PSME4: variants seen among roughly 807,000 people sequenced by gnomAD.
PSME4 encodes proteasome activator complex subunit 4.
PSME4 carries 89 observed loss-of-function variants against 253.9 expected under a neutral mutation model. That is an observed-to-expected ratio of 0.35 (90% CI 0.30 to 0.42). PSME4 has a LOEUF of 0.42. Ranked by LOEUF, PSME4 falls within the 10% of genes least tolerant of loss-of-function variation. PSME4 has a pLI of 1.00. For synonymous variants in PSME4, 851 were observed against 759.2 expected, an observed-to-expected ratio of 1.12 and a Z score of -1.99; for missense variants, 2,014 against 2,195.2, an observed-to-expected ratio of 0.92 and a Z score of 1.65.
In PSME4 at chr2:53,906,872, G is replaced by C; in HGVS notation, c.2785-4C>G. The C allele has an allele frequency of 2.5e-6, 4 of 1,612,594 alleles. No individual in the cohort carries two copies. Among genetic ancestry groups the C allele is most frequent in the Non-Finnish European group, 2.5e-6 (3 of 1,179,272 alleles). On this transcript the variant is annotated splice_region_variant and splice_polypyrimidine_tract_variant and intron_variant, in intron 24 of 46. Transcript: ENST00000404125. Reference sequence around the variant, plus strand: ...TATGTTGTTTTTTCCCATGGAGCTGGAAAACAAAGTAGCAACAAATACTTC... The same window carrying C: ...TATGTTGTTTTTTCCCATGGAGCTGCAAAACAAAGTAGCAACAAATACTTC...
At chr2:53,871,550 G>A (rs1416559427) in intron 43 of PSME4, among the ~76,000 whole-genome samples, 1 of 151,848 alleles carries the variant, frequency 6.6e-6, no homozygotes, top group Non-Finnish European at 1.5e-5. Context: ...CACCACGCCC[G>A]GCTATCTGCA....
At chr2:53,965,722 A>G (rs568833784) in intron 1 of PSME4, among the ~76,000 whole-genome samples, 2 of 150,888 alleles carry the variant, frequency 1.3e-5, no homozygotes, top group South Asian at 2.1e-4. Context: ...CTGGAGTGCA[A>G]TGGTGCAATC....
intron 36 of PSME4, among the ~76,000 whole-genome samples, chr2:53,892,314 G>C (rs931328078): frequency 6.6e-6 from 1 of 152,120 alleles, no homozygotes; most frequent in African/African-American, 2.4e-5. Context: ...CTTAAAGGCA[G>C]GTGTGTGAAA....
At position 53,874,480 on chromosome 2, in the gene PSME4, A is replaced by G. The variant is rs1679031838; in HGVS notation, c.4959T>C (p.Ser1653=). Residue 1653 remains serine, a synonymous_variant, in exon 43 of 47, where the codon AGT becomes AGC. Transcript: ENST00000404125. ...GTACTGTGTATCGTGCATGCCAAGA[A>G]CTGCTTCTTGCTGTCTGTGAATGAC... ...LQVLKQTARS[S]SWHARYTVLT... The G allele has an allele frequency of 6.2e-7, 1 of 1,613,540 alleles. No individual in the cohort carries two copies. The highest frequency in any genetic ancestry group is 1.7e-5 in the Admixed American group (1 of 59,830).
At chr2:53,882,622 T>G (rs1679445063) in intron 41 of PSME4, among the ~76,000 whole-genome samples, 1 of 152,176 alleles carries the variant, frequency 6.6e-6, no homozygotes. Flanking sequence ...ATGAATTTGA[T>G]CCAGGCAGCC....
At chr2:53,923,276 T>A in intron 15 of PSME4, 45 bp downstream of exon 15, 1 of 1,553,358 alleles carries the variant, frequency 6.4e-7, no homozygotes, top group Non-Finnish European at 8.7e-7. Flanking sequence ...ATAAACTAGT[T>A]GATTGTTGAG....
In PSME4 at chr2:53,890,216, A is replaced by C; in HGVS notation, c.4192-8T>G. The C allele has an allele frequency of 6.3e-7, 1 of 1,587,850 alleles. No individual in the cohort carries two copies. The highest frequency in any genetic ancestry group is 8.6e-7 in the Non-Finnish European group (1 of 1,160,180). On this transcript the variant is annotated splice_polypyrimidine_tract_variant and splice_region_variant and intron_variant, in intron 36 of 46. Coordinates refer to ENST00000404125, the MANE Select transcript of PSME4 (RefSeq NM_014614.3). ...CTCCCAAAGCTTCTCCACCTACTCA[A>C]AACAAAATATATGGGTAAGAGTTAA...
intron 41 of PSME4, among the ~76,000 whole-genome samples, chr2:53,881,734 C>T (rs1402705549): frequency 6.6e-6 from 1 of 152,020 alleles, no homozygotes; most frequent in Non-Finnish European, 1.5e-5. Context: ...ACAGTATCTG[C>T]CACCACACCT....
chr2:53,897,671 A>G (rs1680204324), intron 31 of PSME4, among the ~76,000 whole-genome samples, 199 bp downstream of exon 31: 1 of 152,314 alleles, frequency 6.6e-6, no homozygotes, highest in East Asian at 1.9e-4. Context: ...CTATATCCCC[A>G]GTCTTTTAAA....
chr2:53,898,672 C>T (rs1204109858), intron 29 of PSME4, among the ~76,000 whole-genome samples: 5 of 148,580 alleles, frequency 3.4e-5, no homozygotes, highest in Admixed American at 1.3e-4. Flanking sequence ...CACACACACA[C>T]GATACACCAG....
chr2:53,970,446 G>A (rs1671011251), intron 1 of PSME4, 97 bp downstream of exon 1: 1 of 1,525,176 alleles, frequency 6.6e-7, no homozygotes, highest in South Asian at 1.2e-5. Context: ...CGAGGACAGA[G>A]CTAAGGGTCC....
chr2:53,950,518 A>G (rs2104477661), intron 1 of PSME4, among the ~76,000 whole-genome samples: 1 of 152,316 alleles, frequency 6.6e-6, no homozygotes, highest in Non-Finnish European at 1.5e-5. Flanking sequence ...ATGTAATCAA[A>G]AGCATTAACT....
intron 1 of PSME4, among the ~76,000 whole-genome samples, chr2:53,968,404 A>G (rs1573395664): frequency 6.6e-6 from 1 of 152,292 alleles, no homozygotes; most frequent in East Asian, 1.9e-4. Context: ...TCTTTTCATT[A>G]CCACTTTCTA....
chr2:53,908,149 T>C (rs1667653928), intron 24 of PSME4, 171 bp downstream of exon 24: 1 of 554,296 alleles, frequency 1.8e-6, no homozygotes, highest in South Asian at 2.7e-5. Context: ...ATATATTTTT[T>C]GCTAGGATCC....
At chr2:53,876,590 T>TA (rs2104414517) in intron 41 of PSME4, among the ~76,000 whole-genome samples, 1 of 151,838 alleles carries the variant, frequency 6.6e-6, no homozygotes, top group East Asian at 1.9e-4. Context: ...TACTTATATA[T>TA]ATATATATAA....
Position 53,895,663 on chromosome 2 carries a change from T to A in PSME4, c.3762A>T (p.Lys1254Asn). 1.9e-6 allele frequency: 3 copies of A among 1,613,710 alleles called. No homozygotes were observed. The highest frequency in any genetic ancestry group is 2.5e-6 in the Non-Finnish European group (3 of 1,179,824). ...ATTCTTTTTTAGTTCTTGGTATAGT[T>A]TTGCTGTCATAATGCAACCAATGAT... ...PDNHWLHYDSKTIPRTKKEWE... is the reference protein window; with the variant it reads ...PDNHWLHYDSNTIPRTKKEWE... Residue 1254 changes from lysine (K) to asparagine (N), a missense_variant, in exon 33 of 47, where the codon AAA (lysine) becomes AAT (asparagine). This residue lies in a region of PSME4 where 989 missense variants were observed against 1,021.1 expected (regional missense o/e 0.97). Coordinates refer to ENST00000404125, the MANE Select transcript of PSME4 (RefSeq NM_014614.3).
At position 53,879,679 on chromosome 2, in the gene PSME4, G is replaced by A. The variant is rs527409831; in HGVS notation, c.4816-3924C>T. 5.9e-5 allele frequency among the ~76,000 whole-genome samples: 9 copies of A among 151,576 alleles called. No homozygotes were observed. The East Asian group carries it at 1.8e-3, about 30-fold the overall frequency. ...AAAATGTGCTGTGTCTACCAAATAA[G>A]CCCAGAAACACTAATCAACTCAGTA... On this transcript the variant is annotated intron_variant, in intron 41 of 46. Transcript: ENST00000404125.
chr2:53,952,519 G>A (rs1447855346), intron 1 of PSME4, among the ~76,000 whole-genome samples: 1 of 152,128 alleles, frequency 6.6e-6, no homozygotes, highest in Non-Finnish European at 1.5e-5. Flanking sequence ...CTCCAGCCTG[G>A]GCAACAGAGA....
intron 1 of PSME4, among the ~76,000 whole-genome samples, chr2:53,958,461 T>C (rs1670334926): frequency 6.6e-6 from 1 of 152,176 alleles, no homozygotes; most frequent in Non-Finnish European, 1.5e-5. Flanking sequence ...AATCTGATTA[T>C]GATACAGTGT....
Sources: gnomAD v4.1 joint callset for allele counts (sites outside exome capture counted in the v4.1 genomes callset) on GRCh38, gnomAD v4.1.1 for gene constraint, gnomAD v4.1.1 regional missense constraint, MANE v1.5 for transcripts, NCBI Gene and HGNC (gene_info 2026-07-23, HGNC 2026-07-21) for gene names.